Variants in ANKRD28 observed in about 807,000 individuals in gnomAD.
ANKRD28 encodes the protein serine/threonine-protein phosphatase 6 regulatory ankyrin repeat subunit A.
In ANKRD28, 44 loss-of-function variants were observed where a neutral mutation model predicts 126.5. That is an observed-to-expected ratio of 0.35 (90% CI 0.27 to 0.45). The LOEUF is 0.45. ANKRD28 is among the 20% of genes least tolerant of loss of function. The probability of loss-of-function intolerance (pLI) is 1.00; values close to 1 mark genes in which losing one functional copy is unlikely to be tolerated. For missense variants in ANKRD28, 1,110 were observed against 1,316.6 expected (o/e 0.84, Z 2.43); for synonymous variants, 442 against 468.5 (o/e 0.94, Z 0.73).
intron 11 of ANKRD28, among the ~76,000 whole-genome samples, chr3:15,711,844 G>C (rs1049113126): frequency 2.0e-5 from 3 of 146,622 alleles, no homozygotes; most frequent in African/African-American, 7.3e-5. Context: ...TCACCACCAC[G>C]CCCAGCTAAT....
rs557088160 is a variant in ANKRD28 at position 15,847,506 on chromosome 3, C to A, written c.27+11871G>T. Among the ~76,000 whole-genome samples the A allele has an allele frequency of 4.3e-3, 650 of 152,340 alleles. 3 individuals carry two copies. The highest frequency in any genetic ancestry group is 7.4e-3 in the Non-Finnish European group (503 of 68,030). ...CATTTAACTGTCTACTGTAACAACA[C>A]TTCTCCATTTAGATGTCCTACAAGG... On this transcript the variant is annotated intron_variant, in intron 1 of 27. Transcript: ENST00000399451.
At chr3:15,798,802 G>A (rs1354514387), upstream of ANKRD28, among the ~76,000 whole-genome samples, 1 of 151,922 alleles carries the variant, frequency 6.6e-6, no homozygotes, top group East Asian at 1.9e-4. Context: ...TACCCAACAT[G>A]GGGGATATTT....
chr3:15,842,822 G>C (rs1174668759), intron 1 of ANKRD28, among the ~76,000 whole-genome samples: 1 of 152,052 alleles, frequency 6.6e-6, no homozygotes, highest in Non-Finnish European at 1.5e-5. Context: ...TATGCTGATG[G>C]GAATGAATGT....
chr3:15,819,422 C>T (rs1045256247), intron 1 of ANKRD28, among the ~76,000 whole-genome samples: 2 of 152,170 alleles, frequency 1.3e-5, no homozygotes, highest in East Asian at 1.9e-4. Flanking sequence ...CAGTTCAAGA[C>T]AGTAAAATAT....
intron 1 of ANKRD28, among the ~76,000 whole-genome samples, chr3:15,828,579 C>A (rs2061120173): frequency 7.0e-6 from 1 of 143,048 alleles, no homozygotes; most frequent in Non-Finnish European, 1.5e-5. Flanking sequence ...TGGGGTTTCA[C>A]CATGTTGGCC....
chr3:15,784,791 G>A (rs2059698220), intron 2 of ANKRD28, among the ~76,000 whole-genome samples: 1 of 152,010 alleles, frequency 6.6e-6, no homozygotes, highest in South Asian at 2.1e-4. Context: ...GATGCAAATA[G>A]TAGGCTAAAA....
chr3:15,718,641 G>C (rs1164462871), intron 8 of ANKRD28, among the ~76,000 whole-genome samples: 1 of 151,720 alleles, frequency 6.6e-6, no homozygotes, highest in African/African-American at 2.4e-5. Flanking sequence ...GCATAAAACA[G>C]GAAGCCCAAT....
chr3:15,742,267 G>A (rs1347613199), intron 4 of ANKRD28, among the ~76,000 whole-genome samples: 1 of 151,240 alleles, frequency 6.6e-6, no homozygotes, highest in Non-Finnish European at 1.5e-5. Context: ...TCTCTGCCCG[G>A]CCGCCATCCC....
At chr3:15,832,068 G>A (rs1205671752) in intron 1 of ANKRD28, among the ~76,000 whole-genome samples, 1 of 152,142 alleles carries the variant, frequency 6.6e-6, no homozygotes, top group Non-Finnish European at 1.5e-5. Context: ...CATTGTTACA[G>A]GTGCTGGAGA....
chr3:15,790,215 C>T (rs1457042864), intron 2 of ANKRD28, among the ~76,000 whole-genome samples: 1 of 151,974 alleles, frequency 6.6e-6, no homozygotes, highest in Non-Finnish European at 1.5e-5. Flanking sequence ...TTCTACCAAA[C>T]ATTTAAAGAA....
At chr3:15,722,035 G>A (rs1226955812) in intron 7 of ANKRD28, among the ~76,000 whole-genome samples, 1 of 151,922 alleles carries the variant, frequency 6.6e-6, no homozygotes, top group African/African-American at 2.4e-5. Context: ...GTGAGACCCT[G>A]TGCCCAGCCT....
intron 5 of ANKRD28, among the ~76,000 whole-genome samples, chr3:15,735,758 A>C (rs1225985339): frequency 2.0e-5 from 3 of 152,256 alleles, no homozygotes; most frequent in Non-Finnish European, 4.4e-5. Flanking sequence ...TTATGAACTA[A>C]GTACAAATCT....
upstream of ANKRD28, among the ~76,000 whole-genome samples, chr3:15,800,253 A>T (rs1273262881): frequency 1.3e-5 from 2 of 152,120 alleles, no homozygotes; most frequent in Admixed American, 6.5e-5. Flanking sequence ...GAGTAACAGT[A>T]CAGTGCTTGA....
chr3:15,678,324 G>A lies in ANKRD28; in HGVS notation c.2592C>T (p.Asp864=). Residue 864 remains aspartate, a synonymous_variant, in exon 24 of 28, where the codon GAC becomes GAT. Transcript: ENST00000683139. ...RTPLHAAAFT[D]HVECLQLLLS... The stretch of plus-strand genomic sequence containing the variant: ...GCAGCAGCTGTAAACACTCTACATG[G>A]TCTGTGAAGGCGGCTGCATGGAGAG... 1 of 1,609,900 alleles carries A rather than the reference G, an allele frequency of 6.2e-7. No homozygotes were observed. Among genetic ancestry groups the A allele is most frequent in the Non-Finnish European group, 8.5e-7 (1 of 1,178,364 alleles).
chr3:15,800,849 A>C (rs2060448561), upstream of ANKRD28, among the ~76,000 whole-genome samples: 1 of 152,078 alleles, frequency 6.6e-6, no homozygotes, highest in African/African-American at 2.4e-5. Context: ...ATACTAAGAG[A>C]AATATGTCAG....
intron 1 of ANKRD28, among the ~76,000 whole-genome samples, chr3:15,834,991 T>C (rs987720490): frequency 1.3e-5 from 2 of 152,150 alleles, no homozygotes; most frequent in Non-Finnish European, 2.9e-5. Flanking sequence ...CTACTAAAAA[T>C]ACAAAAATTA....
intron 1 of ANKRD28, among the ~76,000 whole-genome samples, chr3:15,850,256 GA>G (rs2061622880): frequency 1.4e-5 from 2 of 138,370 alleles, no homozygotes; most frequent in Non-Finnish European, 3.1e-5. Flanking sequence ...GAGAGAGAGA[GA>G]GAGAGAAAGT....
rs771990800 is a variant in ANKRD28, at chr3:15,675,957, G to A, written c.2906C>T (p.Thr969Ile). ...TCCCAAAAGTTCCTGAACCACCATT[G>A]TTAGCCCATTTCGGGCAGCAACATG... ...PLHVAARNGL[T>I]MVVQELLGKG... The change falls in exon 27 of 28, where the codon ACA becomes ATA. Residue 969 changes from threonine to isoleucine, a missense_variant. Transcript: ENST00000683139. 2 of 1,612,934 alleles carry A rather than the reference G, an allele frequency of 1.2e-6. No individual in the cohort carries two copies. The highest frequency in any genetic ancestry group is 1.1e-5 in the South Asian group (1 of 90,994).
Position 15,668,481 on chromosome 3 carries a change from T to TG in ANKRD28, c.*1788dup, listed in dbSNP as rs905004106. ...ACTTCTTTATATTATAAAGAAAAGA[T>TG]GGGGGATTAGATTTATAATTTCTGT... On this transcript the variant is annotated 3_prime_UTR_variant, in exon 28 of 28. Coordinates refer to ENST00000683139, the MANE Select transcript of ANKRD28 (RefSeq NM_001349278.2). 1 of 152,412 alleles carries TG rather than the reference T, an allele frequency of 6.6e-6. No individual in the cohort carries two copies. The highest frequency in any genetic ancestry group is 1.5e-5 in the Non-Finnish European group (1 of 67,986). 9.4% of individuals were successfully genotyped at this position (152,412 alleles called of 1,614,324 possible).
Sources: allele counts gnomAD v4.1 joint callset (sites outside exome capture counted in the v4.1 genomes callset), GRCh38; gene constraint gnomAD v4.1.1; transcripts MANE v1.5; gene names NCBI Gene and HGNC (gene_info 2026-07-23, HGNC 2026-07-21).